The following SLC35D1 variants were observed in gnomAD, a reference collection of about 807,000 sequenced individuals.
SLC35D1 encodes the protein nucleotide sugar transporter SLC35D1.
Under a neutral mutation model 46.7 loss-of-function variants are expected in SLC35D1, and 31 were observed. That is an observed-to-expected ratio of 0.66 (90% CI 0.50 to 0.90). SLC35D1 has a LOEUF of 0.90. Ranked by LOEUF, SLC35D1 falls within the 40% of genes least tolerant of loss-of-function variation. The pLI is 0.00. For synonymous variants in SLC35D1, 195 were observed against 164.6 expected, an observed-to-expected ratio of 1.18 and a Z score of -1.41; for missense variants, 397 against 426.2, an observed-to-expected ratio of 0.93 and a Z score of 0.60.
the SLC35D1 span, among the ~76,000 whole-genome samples, chr1:66,989,016 TTTTTC>T: frequency 6.6e-6 from 1 of 152,196 alleles, no homozygotes; most frequent in African/African-American, 2.4e-5. Context: ...TAGCTAAATA[TTTTTC>T]TTTTGTCAAA....
In SLC35D1 at chr1:67,053,995, G is replaced by C. The variant is rs766540537; in HGVS notation, c.19C>G (p.Arg7Gly). ...TCTCCTTTAACCCGAGCATGCTGACGTCTATGAACTTCCGCCATGGCTGCC... is the reference window on the plus strand; with the variant it reads ...TCTCCTTTAACCCGAGCATGCTGACCTCTATGAACTTCCGCCATGGCTGCC... MAEVHR[R>G]QHARVKGEAP... The change falls in exon 1 of 12, where the codon CGT (arginine) becomes GGT (glycine). Residue 7 changes from arginine to glycine, a missense_variant. Arg to Gly is a moderately radical substitution (Grantham distance 125). Transcript: ENST00000235345. 6.2e-7 allele frequency: 1 copy of C among 1,611,526 alleles called. No homozygotes were observed.
At chr1:67,032,770 C>T (rs1156552072) in intron 8 of SLC35D1, among the ~76,000 whole-genome samples, 1 of 152,026 alleles carries the variant, frequency 6.6e-6, no homozygotes, top group Non-Finnish European at 1.5e-5. Flanking sequence ...ACAAACAATC[C>T]AATTATACTC....
At chr1:66,996,230 T>C (rs1667237206), downstream of SLC35D1, among the ~76,000 whole-genome samples, 1 of 152,260 alleles carries the variant, frequency 6.6e-6, no homozygotes, top group African/African-American at 2.4e-5. Context: ...CAAAAGCAGG[T>C]GTTGCCACAA....
intron 8 of SLC35D1, among the ~76,000 whole-genome samples, chr1:67,038,233 A>G (rs541742063): frequency 4.0e-4 from 61 of 152,308 alleles, no homozygotes; most frequent in Middle Eastern, 6.8e-3. Flanking sequence ...TGGTCCACAG[A>G]GCAATCCAGA....
chr1:67,009,073 ATTT>A lies in SLC35D1; in HGVS notation c.959+9_959+11del, dbSNP rs1433268625. The A allele has an allele frequency of 2.3e-6, 3 of 1,328,050 alleles. No individual in the cohort carries two copies. Among genetic ancestry groups the A allele is most frequent in the Non-Finnish European group, 3.2e-6 (3 of 924,566 alleles). 82.3% of individuals were successfully genotyped at this position (1,328,050 alleles called of 1,614,324 possible). On this transcript the variant is annotated intron_variant, in intron 11 of 11. Transcript: ENST00000235345. Reference sequence around the variant, plus strand: ...TTCCGATTTTGCAATTTAATTAAATATTTTTACTTACCTGATATTTAAACCAAT... The same window carrying A: ...TTCCGATTTTGCAATTTAATTAAATATTACTTACCTGATATTTAAACCAAT...
chr1:67,026,785 T>A (rs1667922524), intron 8 of SLC35D1, among the ~76,000 whole-genome samples: 1 of 152,174 alleles, frequency 6.6e-6, no homozygotes, highest in Admixed American at 6.6e-5. Flanking sequence ...TTTAATTGAC[T>A]CACAGCTCCG....
chr1:67,020,470 A>C (rs907589957), intron 9 of SLC35D1, 23 bp from the exon 10 acceptor site: 1 of 1,525,872 alleles, frequency 6.6e-7, no homozygotes, highest in Non-Finnish European at 9.1e-7. Context: ...AAGAGGTATA[A>C]AATCCAGTTT....
chr1:67,042,865 A>T (rs1313715447), intron 7 of SLC35D1, among the ~76,000 whole-genome samples: 11 of 152,090 alleles, frequency 7.2e-5, no homozygotes, highest in Admixed American at 6.6e-5. Context: ...GGAGTTCAAG[A>T]CCAGCATGGG....
At chr1:67,005,318 G>A (rs1307350039) in intron 11 of SLC35D1, among the ~76,000 whole-genome samples, 3 of 152,132 alleles carry the variant, frequency 2.0e-5, no homozygotes, top group Non-Finnish European at 4.4e-5. Flanking sequence ...TGAACTTGCT[G>A]CTTATTTGAA....
intron 10 of SLC35D1, among the ~76,000 whole-genome samples, chr1:67,013,158 A>ATATATATATATATATATATATATGTATG: frequency 9.6e-6 from 1 of 103,642 alleles, no homozygotes; most frequent in Non-Finnish European, 1.8e-5. Flanking sequence ...TATCCTGGAG[A>ATATATATATATATATATATATATGTATG]TATATATATA....
the SLC35D1 span, chr1:66,986,151 C>G: frequency 8.5e-7 from 1 of 1,174,512 alleles, no homozygotes; most frequent in South Asian, 3.2e-5. Flanking sequence ...AGTTTGAAAA[C>G]TTTTCAAACT....
chr1:66,981,590 C>G, the SLC35D1 span, among the ~76,000 whole-genome samples: 3 of 152,076 alleles, frequency 2.0e-5, no homozygotes, highest in Admixed American at 2.0e-4. Context: ...ATGCATTTTT[C>G]CTATAAACAT....
chr1:67,005,651 C>T (rs1169106061), intron 11 of SLC35D1, among the ~76,000 whole-genome samples: 2 of 152,152 alleles, frequency 1.3e-5, no homozygotes, highest in African/African-American at 4.8e-5. Context: ...CTGCAAGGTA[C>T]AATATCCCTC....
chr1:67,049,723 A>G, intron 6 of SLC35D1, 59 bp downstream of exon 6: 1 of 1,437,280 alleles, frequency 7.0e-7, no homozygotes, highest in Non-Finnish European at 9.7e-7. Context: ...ATAAGCAATC[A>G]TTTATTATCA....
intron 8 of SLC35D1, among the ~76,000 whole-genome samples, chr1:67,030,933 C>T (rs188288382): frequency 1.3e-5 from 2 of 152,254 alleles, no homozygotes; most frequent in East Asian, 3.9e-4. Flanking sequence ...ACAGAAAGGC[C>T]AGATCTTCTT....
In SLC35D1 at chr1:67,039,480, A is replaced by G. The variant is rs550200632; in HGVS notation, c.729+2756T>C. 5.5e-5 allele frequency among the ~76,000 whole-genome samples: 8 copies of G among 144,904 alleles called. No homozygotes were observed. In the East Asian group the frequency reaches 1.6e-3, roughly 30 times the overall value. On this transcript the variant is annotated intron_variant, in intron 8 of 11. Coordinates refer to ENST00000235345, the MANE Select transcript of SLC35D1 (RefSeq NM_015139.3). The stretch of plus-strand genomic sequence containing the variant: ...GTATATTTTTCCAGACTTTATTTAA[A>G]TAAGTGAAAAAATTGTGTGTGTGTG...
the SLC35D1 span, among the ~76,000 whole-genome samples, chr1:66,977,899 C>G: frequency 6.6e-6 from 1 of 152,044 alleles, no homozygotes; most frequent in South Asian, 2.1e-4. Context: ...AAATAATTAC[C>G]TTCGAAAGAT....
intron 8 of SLC35D1, among the ~76,000 whole-genome samples, chr1:67,031,418 A>T (rs1348247941): frequency 6.6e-6 from 1 of 152,196 alleles, no homozygotes; most frequent in East Asian, 1.9e-4. Context: ...TTAAAAAAAA[A>T]TAAAAACTAC....
At chr1:67,046,239 G>A (rs1258771694) in intron 7 of SLC35D1, among the ~76,000 whole-genome samples, 1 of 152,086 alleles carries the variant, frequency 6.6e-6, no homozygotes, top group East Asian at 1.9e-4. Context: ...TTTTCTAGAG[G>A]AGCAGGCAAA....
Sources: allele counts gnomAD v4.1 joint callset (sites outside exome capture counted in the v4.1 genomes callset), GRCh38; gene constraint gnomAD v4.1.1; transcripts MANE v1.5; gene names NCBI Gene and HGNC (gene_info 2026-07-23, HGNC 2026-07-21).